Variants in OAT observed in about 807,000 individuals in gnomAD.
OAT encodes ornithine aminotransferase.
Under a neutral mutation model 48.4 loss-of-function variants are expected in OAT, and 35 were observed. The ratio of observed to expected loss-of-function variants is 0.72; its 90% confidence interval spans 0.55 to 0.96. The LOEUF (loss-of-function observed/expected upper bound fraction) is 0.96, where lower values mean the gene tolerates loss of function less well. OAT is among the 40% of genes least tolerant of loss of function. OAT has a pLI of 0.00. For synonymous variants in OAT, 182 were observed against 198.4 expected (o/e 0.92, Z 0.70); for missense variants, 438 against 537.9 (o/e 0.81, Z 1.84).
Position 124,408,914 on chromosome 10 carries a change from G to C in OAT, c.251C>G (p.Ser84Cys), listed in dbSNP as rs768268633. The C allele has an allele frequency of 1.2e-6, 2 of 1,614,006 alleles. No homozygotes were observed. The highest frequency in any genetic ancestry group is 1.7e-6 in the Non-Finnish European group (2 of 1,179,994). ...EGRKYFDFLS[S>C]YSAVNQGHCH... Reference sequence around the variant, plus strand: ...ATGCCCTTGGTTGACAGCACTGTAAGAACTCAGGAAGTCAAAATATTTTCT... The same window carrying C: ...ATGCCCTTGGTTGACAGCACTGTAACAACTCAGGAAGTCAAAATATTTTCT... The change falls in exon 3 of 10, where the codon TCT becomes TGT. Residue 84 changes from serine to cysteine, a missense_variant. By Grantham distance (112) the Ser-to-Cys change is moderately radical. Transcript: ENST00000368845.
At chr10:124,403,243 CTAT>C in intron 6 of OAT, 188 bp from the exon 7 acceptor site, 1 of 672,020 alleles carries the variant, frequency 1.5e-6, no homozygotes, top group Non-Finnish European at 2.6e-6. Context: ...GACTCACCAA[CTAT>C]TTCCTTTGTC....
Position 124,403,825 on chromosome 10 carries a change from TC to T in OAT, c.743del (p.Gly248GlufsTer40). ...VVVPDPGYLM[G>X]VRELCTRHQV... The stretch of plus-strand genomic sequence containing the variant: ...GGTGCCTGGTGCAGAGCTCTCGCAC[TC>T]CCATTAGGTAACCTGGATCCGGAAC... On this transcript the variant is annotated frameshift_variant, in exon 6 of 10. Coordinates refer to ENST00000368845, the MANE Select transcript of OAT (RefSeq NM_000274.4). LOFTEE classifies it high-confidence loss of function. 1 of 1,614,138 alleles carries T rather than the reference TC, an allele frequency of 6.2e-7. No homozygotes were observed.
Position 124,405,555 on chromosome 10 carries a change from A to G in OAT, c.529T>C (p.Phe177Leu), listed in dbSNP as rs769824110. The G allele has an allele frequency of 6.2e-7, 1 of 1,614,000 alleles. No individual in the cohort carries two copies. Among genetic ancestry groups the G allele is most frequent in the South Asian group, 1.1e-5 (1 of 91,086 alleles). Residue 177 changes from phenylalanine (F) to leucine (L), a missense_variant, in exon 5 of 10, where the codon TTC (phenylalanine) becomes CTC (leucine). Transcript: ENST00000368845. ...KAKIVFAAGN[F>L]WGRTLSAISS... ...ATAGCAGACAACGTCCTACCCCAGA[A>G]GTTCCCAGCTACAAAGGGGAAACAA...
At position 124,397,818 on chromosome 10, in the gene OAT, T is replaced by C. The variant is rs190879188; in HGVS notation, c.*124A>G. ...TATTATGTATCAACTGAAAAAAATA[T>C]ATTCAAAAAAAAAGTTTTTGAAGAC... On this transcript the variant is annotated 3_prime_UTR_variant, in exon 10 of 10. Transcript: ENST00000368845. The C allele has an allele frequency of 2.7e-4, 285 of 1,063,132 alleles. No individual in the cohort carries two copies. The African/African-American group carries it at 3.5e-3, about 13-fold the overall frequency. The allele number at this position is 1,063,132 out of a possible 1,614,324, so 65.9% of individuals were successfully genotyped here. A position where few individuals can be genotyped will look rare whatever the true frequency, so the allele number is the denominator to read the frequency against.
intron 9 of OAT, among the ~76,000 whole-genome samples, chr10:124,398,863 A>T (rs923300393): frequency 6.6e-6 from 1 of 151,622 alleles, no homozygotes; most frequent in Admixed American, 6.6e-5. Flanking sequence ...AAAAATACAA[A>T]AATTAGCCTG....
chr10:124,413,832 A>C (rs1951835067), intron 1 of OAT, among the ~76,000 whole-genome samples: 1 of 152,106 alleles, frequency 6.6e-6, no homozygotes, highest in African/African-American at 2.4e-5. Context: ...CTGCCGCCCC[A>C]TCACATAAGT....
In OAT at chr10:124,401,820, T is replaced by C; in HGVS notation, c.920A>G (p.Asp307Gly). The part of the protein sequence containing the change: ...GLYPVSAVLC[D>G]DDIMLTIKPG... ...CTTAATGGTCAGCATGATGTCATCA[T>C]CACACAGCACTGCAGACACCTGAAA... Residue 307 changes from aspartate (D) to glycine (G), a missense_variant, in exon 8 of 10, where the codon GAT (aspartate) becomes GGT (glycine). Asp to Gly is a moderately conservative substitution (Grantham distance 94). Coordinates refer to ENST00000368845, the MANE Select transcript of OAT (RefSeq NM_000274.4). The C allele has an allele frequency of 1.9e-6, 3 of 1,613,018 alleles. No individual in the cohort carries two copies. Among genetic ancestry groups the C allele is most frequent in the Admixed American group, 1.7e-5 (1 of 60,008 alleles).
chr10:124,403,715 G>C (rs1475287813), intron 6 of OAT, 83 bp downstream of exon 6: 1 of 1,563,116 alleles, frequency 6.4e-7, no homozygotes, highest in African/African-American at 1.4e-5. Context: ...AATTCAGAGA[G>C]GAGTTGGGGA....
At chr10:124,408,467 T>C (rs1024087468) in intron 4 of OAT, 75 bp downstream of exon 4, 2 of 1,324,966 alleles carry the variant, frequency 1.5e-6, no homozygotes, top group African/African-American at 2.9e-5. Flanking sequence ...ATTACAGGCA[T>C]GAGCCACCAT....
chr10:124,409,038 T>G (rs1951681596), intron 2 of OAT, 73 bp from the exon 3 acceptor site: 3 of 1,103,950 alleles, frequency 2.7e-6, no homozygotes, highest in East Asian at 5.1e-5. Context: ...TTAAGAGTGC[T>G]AGCAAGCCCT....
chr10:124,399,161 A>G (rs917955856), intron 9 of OAT, among the ~76,000 whole-genome samples: 3 of 152,112 alleles, frequency 2.0e-5, no homozygotes, highest in Non-Finnish European at 4.4e-5. Flanking sequence ...CATTCCAAAA[A>G]GGGACTCGCT....
At position 124,405,546 on chromosome 10, in the gene OAT, TACCCC is replaced by T. The variant is rs386833612; in HGVS notation, c.533_537del (p.Trp178Ter). 18 of 1,613,898 alleles carry T rather than the reference TACCCC, an allele frequency of 1.1e-5. No homozygotes were observed. The highest frequency in any genetic ancestry group is 1.7e-5 in the Admixed American group (1 of 59,994). The stretch of plus-strand genomic sequence containing the variant: ...GAACTGGAGATAGCAGACAACGTCC[TACCCC>T]AGAAGTTCCCAGCTACAAAGGGGAA... On this transcript the variant is annotated frameshift_variant, in exon 5 of 10. Transcript: ENST00000368845. LOFTEE classifies it high-confidence loss of function.
intron 4 of OAT, chr10:124,406,194 A>G: frequency 1.1e-6 from 1 of 894,830 alleles, no homozygotes. Context: ...GCATTGTTTT[A>G]GATGTTGGGG....
chr10:124,405,903 G>A (rs11244746), intron 4 of OAT: 441,489 of 1,167,498 alleles, frequency 0.38, 86,521 homozygotes, highest in East Asian at 0.6. Flanking sequence ...GGTCTTGAAT[G>A]CATGTTTTCT....
intron 9 of OAT, 147 bp downstream of exon 9, chr10:124,400,693 T>C (rs1951381477): frequency 3.5e-6 from 2 of 571,336 alleles, no homozygotes; most frequent in Non-Finnish European, 5.9e-6. Flanking sequence ...CAGAGTGCAG[T>C]GAGCCAAGAT....
chr10:124,418,643 C>G (rs2134515365), intron 1 of OAT, among the ~76,000 whole-genome samples: 1 of 152,190 alleles, frequency 6.6e-6, no homozygotes, highest in African/African-American at 2.4e-5. Context: ...CCCCCTGAAG[C>G]TGCGCGCCGG....
At chr10:124,405,945 A>G in intron 4 of OAT, 2 of 1,139,198 alleles carry the variant, frequency 1.8e-6, no homozygotes, top group Non-Finnish European at 2.2e-6. Context: ...GTGATATGAG[A>G]AAGAATATCC....
chr10:124,418,840 C>A (rs1589726203), intron 1 of OAT, 33 bp downstream of exon 1: 1 of 152,306 alleles, frequency 6.6e-6, no homozygotes, highest in East Asian at 1.9e-4. Context: ...GGGCCCGAAC[C>A]AGAGCCCCAG....
At chr10:124,412,921 A>G (rs1360440698) in intron 1 of OAT, among the ~76,000 whole-genome samples, 1 of 152,192 alleles carries the variant, frequency 6.6e-6, no homozygotes, top group East Asian at 1.9e-4. Flanking sequence ...CAATGCTATG[A>G]GACAGCTACA....
Sources: allele counts gnomAD v4.1 joint callset (sites outside exome capture counted in the v4.1 genomes callset), GRCh38; gene constraint gnomAD v4.1.1; transcripts MANE v1.5; gene names NCBI Gene and HGNC (gene_info 2026-07-23, HGNC 2026-07-21).